The following NASP variants were observed in gnomAD, a reference collection of about 807,000 sequenced individuals.
NASP encodes nuclear autoantigenic sperm protein, also known as NASP histone chaperone.
A neutral mutation model predicts 89.5 loss-of-function variants in NASP; 24 were observed. The ratio of observed to expected loss-of-function variants is 0.27; its 90% CI spans 0.19 to 0.38. The LOEUF (loss-of-function observed/expected upper bound fraction) is 0.38. Among genes scored for constraint, NASP ranks in the 10% least tolerant of loss-of-function variants. The probability of loss-of-function intolerance (pLI) is 1.00; values close to 1 mark genes in which losing one functional copy is unlikely to be tolerated. For synonymous variants in NASP, 306 were observed against 324.7 expected (o/e 0.94, Z 0.62); for missense variants, 848 against 921.4 (o/e 0.92, Z 1.03).
In NASP at chr1:45,607,893, G is replaced by A. The variant is rs781724436; in HGVS notation, c.982G>A (p.Ala328Thr). ...VVTSENEAGKAVLEQLVGQEV... is the reference protein window; with the variant it reads ...VVTSENEAGKTVLEQLVGQEV... ...TACCTCTGAAAACGAGGCAGGAAAG[G>A]CGGTTCTTGAACAACTGGTAGGTCA... Residue 328 changes from alanine (A) to threonine (T), a missense_variant, in exon 6 of 15, where the codon GCG becomes ACG. Around this residue, in one of 5 missense-constraint regions of NASP, gnomAD observed 464 missense variants for 469.4 expected, o/e 0.99. Transcript: ENST00000350030. 1.7e-5 allele frequency: 28 copies of A among 1,614,174 alleles called. No individual in the cohort carries two copies. The Admixed American group carries it at 3.3e-4, about 19-fold the overall frequency.
At chr1:45,598,935 A>C (rs1643765235) in intron 2 of NASP, among the ~76,000 whole-genome samples, 1 of 152,180 alleles carries the variant, frequency 6.6e-6, no homozygotes, top group South Asian at 2.1e-4. Context: ...TTAACACTTA[A>C]TACCAGTTGC....
intron 3 of NASP, 21 bp downstream of exon 3, chr1:45,602,386 T>G (rs992176324): frequency 6.2e-7 from 1 of 1,600,104 alleles, no homozygotes; most frequent in East Asian, 2.2e-5. Flanking sequence ...TATATTTTGC[T>G]ATGATGTAAT....
chr1:45,586,290 T>TGTG (rs1644545541), intron 1 of NASP, among the ~76,000 whole-genome samples: 6 of 97,406 alleles, frequency 6.2e-5, no homozygotes, highest in South Asian at 6.5e-4. Flanking sequence ...GTGTGGTGTG[T>TGTG]GTGTGTGTGT....
chr1:45,587,664 A>ATG, intron 1 of NASP, among the ~76,000 whole-genome samples: 2 of 45,654 alleles, frequency 4.4e-5, no homozygotes, highest in African/African-American at 9.9e-5. Context: ...GTTTTTTCAT[A>ATG]TATATATATA....
In NASP at chr1:45,607,618, T is replaced by C. The variant is rs1311211918; in HGVS notation, c.707T>C (p.Val236Ala). ...ACTTCTGGGAAGCCAGAACAGGAAGTACCAGATGCTGAGGAAGAAAAATCA... is the reference window on the plus strand; with the variant it reads ...ACTTCTGGGAAGCCAGAACAGGAAGCACCAGATGCTGAGGAAGAAAAATCA... ...EVTSGKPEQE[V>A]PDAEEEKSVS... is the part of the protein sequence containing the mutation. The change falls in exon 6 of 15, where the codon GTA (valine) becomes GCA (alanine). Residue 236 changes from valine to alanine, a missense_variant. Transcript: ENST00000350030. The C allele has an allele frequency of 1.2e-6, 2 of 1,613,926 alleles. No homozygotes were observed. The highest frequency in any genetic ancestry group is 1.3e-5 in the African/African-American group (1 of 74,882).
rs975071709 is a variant in NASP, at chr1:45,584,204, A to G, written c.58A>G (p.Lys20Glu). The change falls in exon 1 of 15, where the codon AAA becomes GAA. Residue 20 changes from lysine (K) to glutamate (E), a missense_variant and splice_region_variant. Physicochemically the swap from Lys to Glu is moderately conservative, Grantham distance 56 (BLOSUM62 1). Around this residue, in one of 5 missense-constraint regions of NASP, gnomAD observed 89 missense variants for 79.2 expected, o/e 1.12. Coordinates refer to ENST00000350030, the MANE Select transcript of NASP (RefSeq NM_002482.4). The stretch of plus-strand genomic sequence containing the variant: ...CGCCGCGGAGCTGGTTTCTGCCGAC[A>G]AGTAAGCGGGACTGTGGAAAGCTTA... ...AVAAELVSAD[K>E]IEDVPAPSTS... 3 of 1,586,940 alleles carry G rather than the reference A, an allele frequency of 1.9e-6. No individual in the cohort carries two copies. In the African/African-American group the frequency reaches 4.0e-5, roughly 21 times the overall value.
intron 11 of NASP, 141 bp downstream of exon 11, chr1:45,615,612 G>A: frequency 1.4e-6 from 1 of 736,340 alleles, no homozygotes; most frequent in Non-Finnish European, 2.2e-6. Flanking sequence ...TAATGCAGTG[G>A]TTAAGAGGAA....
Position 45,614,158 on chromosome 1 carries a change from T to C in NASP, c.1569T>C (p.Asp523=). ...TAGAGCTTGCCTGGGATATGCTGGA[T>C]TTAGCAAAGATCATTTTTAAAAGGT... The part of the protein sequence containing the change: ...GNLELAWDML[D]LAKIIFKRQE... The change falls in exon 8 of 15, where the codon GAT becomes GAC. Residue 523 remains aspartate (D), a synonymous_variant. Coordinates refer to ENST00000350030, the MANE Select transcript of NASP (RefSeq NM_002482.4). The C allele has an allele frequency of 6.2e-7, 1 of 1,612,792 alleles. No individual in the cohort carries two copies. Among genetic ancestry groups the C allele is most frequent in the Non-Finnish European group, 8.5e-7 (1 of 1,178,748 alleles).
intron 2 of NASP, among the ~76,000 whole-genome samples, chr1:45,598,849 G>C (rs928080449): frequency 3.9e-5 from 6 of 151,940 alleles, no homozygotes; most frequent in African/African-American, 7.3e-5. Flanking sequence ...TGTAAAGTGG[G>C]GGTAATAATT....
rs773257726 is a variant in NASP at position 45,614,332 on chromosome 1, A to C, written c.1632A>C (p.Ala544=). Residue 544 remains alanine, a synonymous_variant, in exon 9 of 15, where the codon GCA becomes GCC. Transcript: ENST00000350030. ...TKEAQLYAAQ[A]HLKLGEVSVE... is the part of the protein sequence containing the mutation. ...AAGCACAGCTTTATGCTGCCCAGGCACATCTTAAACTCGGAGAAGTTAGTG... is the reference window on the plus strand; with the variant it reads ...AAGCACAGCTTTATGCTGCCCAGGCCCATCTTAAACTCGGAGAAGTTAGTG... 9 of 1,614,098 alleles carry C rather than the reference A, an allele frequency of 5.6e-6. No individual in the cohort carries two copies. Among genetic ancestry groups the C allele is most frequent in the Non-Finnish European group, 7.6e-6 (9 of 1,179,932 alleles).
At chr1:45,616,288 C>CGG (rs1181903519) in intron 11 of NASP, 49 bp from the exon 12 acceptor site, 1 of 1,547,992 alleles carries the variant, frequency 6.5e-7, no homozygotes, top group Non-Finnish European at 8.9e-7. Context: ...AGGCTGTGGG[C>CGG]GGCCTGGGTT....
chr1:45,589,079 G>A (rs1643446134), intron 1 of NASP: 1 of 157,326 alleles, frequency 6.4e-6, no homozygotes, highest in Admixed American at 6.3e-5. Context: ...AACCTTTTGT[G>A]AAATGAATTA....
intron 3 of NASP, 73 bp downstream of exon 3, chr1:45,602,438 T>C (rs765559243): frequency 3.2e-5 from 46 of 1,421,662 alleles, no homozygotes; most frequent in Non-Finnish European, 4.3e-5. Context: ...AATTATTTTA[T>C]GGGGAAAAAG....
At chr1:45,586,309 G>GTGGTGTGTGT (rs1420228919) in intron 1 of NASP, among the ~76,000 whole-genome samples, 9 of 136,064 alleles carry the variant, frequency 6.6e-5, no homozygotes, top group African/African-American at 2.3e-4. Context: ...GTGTGTGTGT[G>GTGGTGTGTGT]GTGTGTGTGT....
intron 1 of NASP, among the ~76,000 whole-genome samples, chr1:45,587,685 T>A (rs865779497): frequency 9.3e-6 from 1 of 107,384 alleles, no homozygotes; most frequent in East Asian, 2.9e-4. Context: ...TATATATATA[T>A]ATAATTAATT....
At chr1:45,591,479 G>C (rs1233443273) in intron 2 of NASP, among the ~76,000 whole-genome samples, 4 of 152,072 alleles carry the variant, frequency 2.6e-5, no homozygotes, top group Admixed American at 1.3e-4. Flanking sequence ...TCAACCTCCT[G>C]AGTAGCTAGG....
At chr1:45,606,453 A>G (rs373175738) in intron 4 of NASP, 29 bp from the exon 5 acceptor site, 10 of 1,551,076 alleles carry the variant, frequency 6.4e-6, no homozygotes, top group Middle Eastern at 1.7e-4. Context: ...TAGCCATCAA[A>G]CCTTTGGTGC....
rs1004091306 is a variant in NASP, at chr1:45,618,607, A to G, written c.*466A>G. 6.4e-6 allele frequency: 1 copy of G among 155,944 alleles called. No individual in the cohort carries two copies. Among genetic ancestry groups the G allele is most frequent in the Non-Finnish European group, 1.4e-5 (1 of 70,036 alleles). 9.7% of individuals were successfully genotyped at this position (155,944 alleles called of 1,614,324 possible). A position where few individuals can be genotyped will look rare whatever the true frequency, so the allele number is the denominator to read the frequency against. The stretch of plus-strand genomic sequence containing the variant: ...CCAGGCCTAGGATGGTTCTTGTCCT[A>G]TATCCACCTAGTCTTCACCTGGGGC... On this transcript the variant is annotated 3_prime_UTR_variant, in exon 15 of 15. Coordinates refer to ENST00000350030, the MANE Select transcript of NASP (RefSeq NM_002482.4).
At chr1:45,597,485 A>G (rs1489813535) in intron 2 of NASP, among the ~76,000 whole-genome samples, 1 of 152,038 alleles carries the variant, frequency 6.6e-6, no homozygotes, top group Non-Finnish European at 1.5e-5. Flanking sequence ...GAATATGAAA[A>G]TCCTGTTCTC....
Sources: gnomAD v4.1 joint callset for allele counts (sites outside exome capture counted in the v4.1 genomes callset) on GRCh38, gnomAD v4.1.1 for gene constraint, gnomAD v4.1.1 regional missense constraint, MANE v1.5 for transcripts, NCBI Gene and HGNC (gene_info 2026-07-23, HGNC 2026-07-21) for gene names.